The following RAPGEF6 variants were observed in gnomAD, a reference collection of about 807,000 sequenced individuals.
RAPGEF6 encodes the protein PDZ domain containing guanine nucleotide exchange factor (GEF) 2.
A neutral mutation model predicts 171.4 loss-of-function variants in RAPGEF6; 56 were observed. The ratio of observed to expected loss-of-function variants is 0.33; its 90% CI spans 0.26 to 0.41. RAPGEF6 has a LOEUF of 0.41. Ranked by LOEUF, RAPGEF6 falls within the 10% of genes least tolerant of loss-of-function variation. The probability of loss-of-function intolerance (pLI) is 1.00; values close to 1 mark genes in which losing one functional copy is unlikely to be tolerated. For synonymous variants in RAPGEF6, 692 were observed against 650.1 expected, an observed-to-expected ratio of 1.06 and a Z score of -0.98; for missense variants, 1,674 against 1,921.4, an observed-to-expected ratio of 0.87 and a Z score of 2.41.
At chr5:131,485,669 G>A (rs1755836992) in intron 15 of RAPGEF6, among the ~76,000 whole-genome samples, 1 of 152,094 alleles carries the variant, frequency 6.6e-6, no homozygotes, top group African/African-American at 2.4e-5. Flanking sequence ...ATTCTTCTGC[G>A]AATTGCCTGT....
At chr5:131,493,489 T>A (rs573456404) in intron 13 of RAPGEF6, among the ~76,000 whole-genome samples, 2 of 152,340 alleles carry the variant, frequency 1.3e-5, no homozygotes, top group Admixed American at 6.5e-5. Flanking sequence ...TTGAACCACC[T>A]TTTTAAATAT....
At chr5:131,516,824 T>C (rs1354564455) in intron 7 of RAPGEF6, among the ~76,000 whole-genome samples, 1 of 152,204 alleles carries the variant, frequency 6.6e-6, no homozygotes. Flanking sequence ...ACATTCACAC[T>C]GGAATCATTG....
At chr5:131,445,493 C>CTCTCTGTGTGTGTGTG (rs1554070849) in intron 22 of RAPGEF6, among the ~76,000 whole-genome samples, 2 of 147,224 alleles carry the variant, frequency 1.4e-5, no homozygotes. Context: ...AACTCACTCT[C>CTCTCTGTGTGTGTGTG]TGTGTGTGTG....
At chr5:131,532,488 G>C (rs1327011394) in intron 6 of RAPGEF6, among the ~76,000 whole-genome samples, 1 of 152,082 alleles carries the variant, frequency 6.6e-6, no homozygotes, top group African/African-American at 2.4e-5. Flanking sequence ...AAGCAAATCA[G>C]GCAACATGCA....
rs745492803 is a variant in RAPGEF6 at position 131,492,612 on chromosome 5, A to G, written c.1701T>C (p.Ala567=). The G allele has an allele frequency of 5.6e-6, 9 of 1,614,068 alleles. No homozygotes were observed. In the African/African-American group the frequency reaches 1.1e-4, roughly 19 times the overall value. Reference sequence around the variant, plus strand: ...CACCACGTTTCAGTCCTGAATCAGCAGCTTTGCTACCAGGTTCTACTCCTT... The same window carrying G: ...CACCACGTTTCAGTCCTGAATCAGCGGCTTTGCTACCAGGTTCTACTCCTT... ...FVEGVEPGSK[A]ADSGLKRGDQ... is the part of the protein sequence containing the mutation. The change falls in exon 14 of 28, where the codon GCT becomes GCC. Residue 567 remains alanine, a synonymous_variant. Transcript: ENST00000509018.
chr5:131,562,021 C>T lies in RAPGEF6; in HGVS notation c.308G>A (p.Arg103Lys). Residue 103 changes from arginine to lysine, a missense_variant, in exon 5 of 28, where the codon AGA becomes AAA. Arg to Lys is a conservative substitution (Grantham distance 26). This residue lies in a region of RAPGEF6 where 1,116 missense variants were observed against 1,321.5 expected (regional missense o/e 0.84). Coordinates refer to ENST00000509018, the MANE Select transcript of RAPGEF6 (RefSeq NM_016340.6). Reference sequence around the variant, plus strand: ...CTCTAATACAAGACAATCACATCCTCTTTTTCCTCCAAACTGCTTACCAAA... The same window carrying T: ...CTCTAATACAAGACAATCACATCCTTTTTTTCCTCCAAACTGCTTACCAAA... ...CSFGKQFGGK[R>K]GCDCLVLEPS... 1 of 1,590,228 alleles carries T rather than the reference C, an allele frequency of 6.3e-7. No individual in the cohort carries two copies. Among genetic ancestry groups the T allele is most frequent in the Non-Finnish European group, 8.5e-7 (1 of 1,170,168 alleles).
chr5:131,603,219 T>G, intron 3 of RAPGEF6, 52 bp downstream of exon 3: 1 of 1,308,346 alleles, frequency 7.6e-7, no homozygotes, highest in South Asian at 1.3e-5. Flanking sequence ...TGCTAAGAGT[T>G]AAAATTTAAA....
At chr5:131,449,966 A>C (rs1266333002) in intron 21 of RAPGEF6, 1 of 1,478,756 alleles carries the variant, frequency 6.8e-7, no homozygotes, top group Non-Finnish European at 9.1e-7. Context: ...AAAAGGATGC[A>C]ATATATGTTA....
At chr5:131,541,172 C>T (rs1255224249) in intron 6 of RAPGEF6, among the ~76,000 whole-genome samples, 2 of 152,060 alleles carry the variant, frequency 1.3e-5, no homozygotes, top group Non-Finnish European at 1.5e-5. Flanking sequence ...CCTATGGGAC[C>T]AATGAAGAGA....
chr5:131,483,927 C>T (rs768203867), intron 15 of RAPGEF6, among the ~76,000 whole-genome samples: 2 of 151,590 alleles, frequency 1.3e-5, no homozygotes, highest in South Asian at 2.1e-4. Context: ...AGTGAAACCC[C>T]GTCTCTACTA....
chr5:131,581,859 C>T (rs1762983797), intron 4 of RAPGEF6, among the ~76,000 whole-genome samples: 1 of 151,990 alleles, frequency 6.6e-6, no homozygotes, highest in Non-Finnish European at 1.5e-5. Flanking sequence ...TGTAACATTC[C>T]TCCCCACCAA....
Position 131,464,109 on chromosome 5 carries a change from A to T in RAPGEF6, c.2412T>A (p.Gly804=). 3 of 1,613,700 alleles carry T rather than the reference A, an allele frequency of 1.9e-6. No individual in the cohort carries two copies. The highest frequency in any genetic ancestry group is 2.5e-6 in the Non-Finnish European group (3 of 1,179,818). ...CTGGAAGTCTTCTCTGTTTTATGAC[A>T]CCCTCAGGAGTAACAGAAACTTCAC... is the stretch of plus-strand genomic sequence containing the variant. ...SLCEVSVTPE[G]VIKQRRLPDQ... is the part of the protein sequence containing the mutation. Residue 804 remains glycine, a synonymous_variant, in exon 18 of 28, where the codon GGT becomes GGA. Coordinates refer to ENST00000509018, the MANE Select transcript of RAPGEF6 (RefSeq NM_016340.6).
chr5:131,561,839 G>C, intron 5 of RAPGEF6, 139 bp downstream of exon 5: 1 of 625,278 alleles, frequency 1.6e-6, no homozygotes, highest in Non-Finnish European at 2.8e-6. Context: ...GATAAACCTG[G>C]TAGATAGTTC....
At chr5:131,600,102 T>C (rs1404126227) in intron 3 of RAPGEF6, among the ~76,000 whole-genome samples, 1 of 152,234 alleles carries the variant, frequency 6.6e-6, no homozygotes, top group Non-Finnish European at 1.5e-5. Flanking sequence ...ATTCAAAAAA[T>C]ATATCACAAC....
intron 19 of RAPGEF6, among the ~76,000 whole-genome samples, chr5:131,457,505 A>T (rs779990210): frequency 6.6e-5 from 10 of 152,262 alleles, no homozygotes; most frequent in Non-Finnish European, 1.3e-4. Context: ...AGAAAAAGTA[A>T]AGGATAAAAC....
In RAPGEF6 at chr5:131,473,477, T is replaced by C. The variant is rs181517157; in HGVS notation, c.2082-733A>G. Among the ~76,000 whole-genome samples the C allele has an allele frequency of 1.6e-3, 246 of 152,290 alleles. 1 individual carries two copies. Among genetic ancestry groups the C allele is most frequent in the African/African-American group, 5.7e-3 (236 of 41,566 alleles). The stretch of plus-strand genomic sequence containing the variant: ...CAAACACTGTCACTTAGGTTTTAGA[T>C]ACCCCCAAATTTTAGCTTACTTTTA... On this transcript the variant is annotated intron_variant, in intron 16 of 27. Coordinates refer to ENST00000509018, the MANE Select transcript of RAPGEF6 (RefSeq NM_016340.6).
chr5:131,507,347 C>T (rs9784609), intron 9 of RAPGEF6, among the ~76,000 whole-genome samples: 2,805 of 152,004 alleles, frequency 0.018, 89 homozygotes, highest in African/African-American at 0.064. Context: ...AGGCTAGCAG[C>T]TGTGAATACT....
In RAPGEF6 at chr5:131,461,721, T is replaced by C. The variant is rs755493487; in HGVS notation, c.2848A>G (p.Met950Val). Residue 950 changes from methionine to valine, a missense_variant, in exon 19 of 28, where the codon ATG becomes GTG. Physicochemically the swap from Met to Val is conservative, Grantham distance 21. Coordinates refer to ENST00000509018, the MANE Select transcript of RAPGEF6 (RefSeq NM_016340.6). ...HCRECKNFNSMFAIISGLNLA... is the reference protein window; with the variant it reads ...HCRECKNFNSVFAIISGLNLA... ...CCAACTTACCTTATTATTGCAAACATGGAATTGAAGTTCTTACATTCTCGA... is the reference window on the plus strand; with the variant it reads ...CCAACTTACCTTATTATTGCAAACACGGAATTGAAGTTCTTACATTCTCGA... 2.5e-6 allele frequency: 4 copies of C among 1,597,714 alleles called. No homozygotes were observed. Among genetic ancestry groups the C allele is most frequent in the Non-Finnish European group, 3.4e-6 (4 of 1,167,686 alleles).
chr5:131,477,903 C>G (rs1436668436), intron 16 of RAPGEF6, among the ~76,000 whole-genome samples: 2 of 152,092 alleles, frequency 1.3e-5, no homozygotes, highest in Non-Finnish European at 2.9e-5. Context: ...GGTTTTGTCC[C>G]TTTTTCACAG....
Sources: allele counts gnomAD v4.1 joint callset (sites outside exome capture counted in the v4.1 genomes callset), GRCh38; gene constraint gnomAD v4.1.1; regional missense constraint gnomAD v4.1.1; transcripts MANE v1.5; gene names NCBI Gene and HGNC (gene_info 2026-07-23, HGNC 2026-07-21).